Variants in BMPR1B observed in about 807,000 individuals in gnomAD.
BMPR1B encodes the protein bone morphogenetic protein receptor type 1B.
In BMPR1B, 12 loss-of-function variants were observed where a neutral mutation model predicts 59.1. The ratio of observed to expected loss-of-function variants is 0.20; its 90% CI spans 0.13 to 0.33. The LOEUF (loss-of-function observed/expected upper bound fraction) is 0.33, where lower values mean the gene tolerates loss of function less well. Ranked by LOEUF, BMPR1B falls within the 10% of genes least tolerant of loss-of-function variation. BMPR1B has a pLI of 1.00. For synonymous variants in BMPR1B, 237 were observed against 207.3 expected (o/e 1.14, Z -1.23); for missense variants, 550 against 610.9 (o/e 0.90, Z 1.05).
intron 2 of BMPR1B, among the ~76,000 whole-genome samples, chr4:94,885,060 G>A (rs540713892): frequency 1.3e-5 from 2 of 152,246 alleles, no homozygotes; most frequent in African/African-American, 2.4e-5. Flanking sequence ...CAGACCAGCC[G>A]TCAGCCAGCT....
intron 3 of BMPR1B, among the ~76,000 whole-genome samples, chr4:95,063,588 A>G (rs1348507349): frequency 6.6e-6 from 1 of 152,184 alleles, no homozygotes; most frequent in Non-Finnish European, 1.5e-5. Flanking sequence ...TATACCAAAT[A>G]ACATTTCTTA....
chr4:95,064,555 A>G (rs1727656191), intron 3 of BMPR1B, among the ~76,000 whole-genome samples: 1 of 152,082 alleles, frequency 6.6e-6, no homozygotes, highest in Admixed American at 6.6e-5. Context: ...AAGACTGAGG[A>G]CTGCTGTTTT....
At chr4:95,141,686 A>G (rs1264507314) in intron 10 of BMPR1B, among the ~76,000 whole-genome samples, 1 of 152,206 alleles carries the variant, frequency 6.6e-6, no homozygotes, top group Non-Finnish European at 1.5e-5. Context: ...GAAACTTACA[A>G]AGCTTTTCAC....
At chr4:94,999,568 A>G (rs1157895649) in intron 3 of BMPR1B, among the ~76,000 whole-genome samples, 4 of 152,116 alleles carry the variant, frequency 2.6e-5, no homozygotes, top group African/African-American at 9.7e-5. Flanking sequence ...CTGTTTATGT[A>G]ATTAATTTGG....
intron 3 of BMPR1B, among the ~76,000 whole-genome samples, chr4:95,091,099 A>G (rs1729946084): frequency 6.6e-6 from 1 of 152,118 alleles, no homozygotes; most frequent in Non-Finnish European, 1.5e-5. Flanking sequence ...ATGTCAAAGG[A>G]TATTATAAAG....
At chr4:94,973,465 C>T (rs1352543518) in intron 2 of BMPR1B, among the ~76,000 whole-genome samples, 1 of 152,188 alleles carries the variant, frequency 6.6e-6, no homozygotes, top group African/African-American at 2.4e-5. Flanking sequence ...TGAAGTCTGA[C>T]CATCTCCTGC....
At chr4:95,112,703 CCT>C (rs1456460818) in intron 4 of BMPR1B, among the ~76,000 whole-genome samples, 1 of 152,012 alleles carries the variant, frequency 6.6e-6, no homozygotes, top group East Asian at 1.9e-4. Flanking sequence ...ATTTTTAGCT[CCT>C]CTCTCTTTGC....
intron 1 of BMPR1B, among the ~76,000 whole-genome samples, chr4:94,794,574 A>C (rs1723113005): frequency 7.2e-6 from 1 of 139,480 alleles, no homozygotes; most frequent in Non-Finnish European, 1.5e-5. Context: ...TGGTAGCTTG[A>C]TGGGGATGGC....
At chr4:95,028,368 A>G (rs1299517933) in intron 3 of BMPR1B, among the ~76,000 whole-genome samples, 1 of 152,120 alleles carries the variant, frequency 6.6e-6, no homozygotes, top group Non-Finnish European at 1.5e-5. Context: ...CTTTGGAAGC[A>G]TTATGTTCAT....
intron 2 of BMPR1B, among the ~76,000 whole-genome samples, chr4:94,989,637 C>CCCAAAGCAG (rs1445926298): frequency 6.6e-6 from 1 of 152,086 alleles, no homozygotes; most frequent in East Asian, 1.9e-4. Context: ...AGCTGCTTCT[C>CCCAAAGCAG]CTTACTAAAA....
chr4:95,005,734 A>G (rs1195699444), intron 3 of BMPR1B, among the ~76,000 whole-genome samples: 2 of 151,792 alleles, frequency 1.3e-5, no homozygotes, highest in Non-Finnish European at 2.9e-5. Flanking sequence ...TTAAATTTCA[A>G]CTTTTCCTTA....
At chr4:95,002,521 G>T (rs973256883) in intron 3 of BMPR1B, among the ~76,000 whole-genome samples, 8 of 152,212 alleles carry the variant, frequency 5.3e-5, no homozygotes, top group African/African-American at 1.7e-4. Context: ...TCGAATGGTA[G>T]TTCTGTTTTA....
At chr4:94,772,545 TAAATG>T (rs1722224526) in intron 1 of BMPR1B, among the ~76,000 whole-genome samples, 1 of 152,190 alleles carries the variant, frequency 6.6e-6, no homozygotes, top group South Asian at 2.1e-4. Context: ...ATCTGTGTGT[TAAATG>T]AACACATTTT....
Position 95,002,513 on chromosome 4 carries a change from G to A in BMPR1B, c.-18+6379G>A, listed in dbSNP as rs775637415. Among the ~76,000 whole-genome samples, 11 of 152,274 alleles carry A rather than the reference G, an allele frequency of 7.2e-5. No individual in the cohort carries two copies. The South Asian group carries it at 1.2e-3, about 17-fold the overall frequency. ...GCCCAGCAATGGGATTCACTGGGTC[G>A]AATGGTAGTTCTGTTTTACATTCTT... is the stretch of plus-strand genomic sequence containing the variant. On this transcript the variant is annotated intron_variant, in intron 3 of 12. Coordinates refer to ENST00000515059, the MANE Select transcript of BMPR1B (RefSeq NM_001203.3).
chr4:95,061,209 A>ACACACACACC (rs1560624908), intron 3 of BMPR1B, among the ~76,000 whole-genome samples: 1 of 131,920 alleles, frequency 7.6e-6, no homozygotes, highest in East Asian at 2.2e-4. Context: ...ACACACACAC[A>ACACACACACC]CCACACACCC....
intron 2 of BMPR1B, among the ~76,000 whole-genome samples, chr4:94,902,077 G>GTT (rs1431811950): frequency 7.3e-6 from 1 of 136,784 alleles, no homozygotes. Context: ...GTGTGTGTGT[G>GTT]TGTGTGTGTG....
intron 3 of BMPR1B, chr4:95,051,758 C>G (rs1560618536): frequency 1.3e-6 from 2 of 1,535,538 alleles, no homozygotes; most frequent in Non-Finnish European, 1.7e-6. Flanking sequence ...ATTCTTCTCT[C>G]TATGCACACA....
chr4:94,967,366 A>G (rs1369565004), intron 2 of BMPR1B, among the ~76,000 whole-genome samples: 1 of 152,136 alleles, frequency 6.6e-6, no homozygotes, highest in African/African-American at 2.4e-5. Flanking sequence ...AGAGATTATT[A>G]TGCCCACCAA....
intron 6 of BMPR1B, among the ~76,000 whole-genome samples, chr4:95,120,042 A>G (rs1369756260): frequency 6.6e-6 from 1 of 152,104 alleles, no homozygotes; most frequent in Non-Finnish European, 1.5e-5. Context: ...CCGTTAATCC[A>G]CAGTGTCTGT....
Sources: allele counts gnomAD v4.1 joint callset (sites outside exome capture counted in the v4.1 genomes callset), GRCh38; gene constraint gnomAD v4.1.1; transcripts MANE v1.5; gene names NCBI Gene and HGNC (gene_info 2026-07-23, HGNC 2026-07-21).